CAST: variants seen among roughly 807,000 people sequenced by gnomAD.
The protein encoded by CAST is calpastatin.
CAST carries 76 observed loss-of-function variants against 119.6 expected under a neutral mutation model. The observed-to-expected ratio is 0.64, with a 90% CI of 0.53 to 0.77. The LOEUF (loss-of-function observed/expected upper bound fraction) is 0.77. CAST is among the 30% of genes least tolerant of loss of function. The probability of loss-of-function intolerance (pLI) is 0.00; values close to 1 mark genes in which losing one functional copy is unlikely to be tolerated. For synonymous variants in CAST, 319 were observed against 331.6 expected (o/e 0.96, Z 0.41); for missense variants, 953 against 946.5 (o/e 1.01, Z -0.09).
the CAST span, among the ~76,000 whole-genome samples, chr5:95,991,751 C>T: frequency 6.6e-6 from 1 of 151,922 alleles, no homozygotes; most frequent in Non-Finnish European, 1.5e-5. Flanking sequence ...AGTTAGTCAC[C>T]CGCCTCAGCC....
chr5:96,031,047 A>G, the CAST span, among the ~76,000 whole-genome samples: 1 of 152,140 alleles, frequency 6.6e-6, no homozygotes, highest in African/African-American at 2.4e-5. Context: ...TGAGTGTACC[A>G]TGATAATATT....
At chr5:96,559,914 A>C (rs1404532813) in intron 1 of CAST, among the ~76,000 whole-genome samples, 1 of 152,342 alleles carries the variant, frequency 6.6e-6, no homozygotes, top group East Asian at 1.9e-4. Context: ...CTAAGCCTAA[A>C]GAACAAAGCT....
At chr5:96,763,227 A>T (rs1421457169) in intron 25 of CAST, 1 of 780,778 alleles carries the variant, frequency 1.3e-6, no homozygotes, top group South Asian at 1.3e-5. Context: ...CTTCAGGATC[A>T]TCTGAAAATA....
chr5:96,649,471 T>C (rs1748065472), intron 1 of CAST, among the ~76,000 whole-genome samples: 1 of 152,188 alleles, frequency 6.6e-6, no homozygotes, highest in South Asian at 2.1e-4. Flanking sequence ...TTTGTCATCT[T>C]CTCGTAAATA....
At chr5:96,392,703 C>A in the CAST span, 1 of 376,402 alleles carries the variant, frequency 2.7e-6, no homozygotes, top group South Asian at 4.0e-5. Flanking sequence ...GGCTCTAATG[C>A]AGTGTTCTAA....
At chr5:96,367,868 C>T in the CAST span, among the ~76,000 whole-genome samples, 1 of 152,026 alleles carries the variant, frequency 6.6e-6, no homozygotes, top group Non-Finnish European at 1.5e-5. Context: ...TGAGATGAAC[C>T]CAGTACCTCA....
At chr5:96,717,013 A>T (rs1757305925) in intron 3 of CAST, among the ~76,000 whole-genome samples, 1 of 152,194 alleles carries the variant, frequency 6.6e-6, no homozygotes, top group South Asian at 2.1e-4. Context: ...CTTAAAAAAA[A>T]CTTAAAGTAT....
chr5:96,746,330 C>T lies in CAST; in HGVS notation c.1201-12C>T, dbSNP rs1220560630. On this transcript the variant is annotated splice_polypyrimidine_tract_variant and intron_variant, in intron 16 of 31. Transcript: ENST00000675179. Reference sequence around the variant, plus strand: ...ATCCAACTACTTTTTTTTTCCCCTCCATTTTCATCAGGCAAAAGCTAAAGA... The same window carrying T: ...ATCCAACTACTTTTTTTTTCCCCTCTATTTTCATCAGGCAAAAGCTAAAGA... 4 of 1,545,258 alleles carry T rather than the reference C, an allele frequency of 2.6e-6. No individual in the cohort carries two copies. The highest frequency in any genetic ancestry group is 2.2e-5 in the South Asian group (2 of 89,556).
the CAST span, among the ~76,000 whole-genome samples, chr5:96,090,066 A>G: frequency 6.6e-6 from 1 of 152,140 alleles, no homozygotes; most frequent in Non-Finnish European, 1.5e-5. Context: ...GATTAATAGT[A>G]TCTCAAGAGT....
chr5:95,963,865 ATCCCC>A, the CAST span, among the ~76,000 whole-genome samples: 4 of 151,924 alleles, frequency 2.6e-5, no homozygotes, highest in African/African-American at 9.7e-5. Flanking sequence ...ATGTGGGTAA[ATCCCC>A]ACCCACATGA....
intron 24 of CAST, among the ~76,000 whole-genome samples, chr5:96,759,789 A>G (rs376981658): frequency 2.4e-4 from 37 of 152,176 alleles, no homozygotes; most frequent in African/African-American, 8.4e-4. Flanking sequence ...TTTAAAGCCA[A>G]TAGTCAGTTG....
chr5:96,279,357 G>A, the CAST span, among the ~76,000 whole-genome samples: 2 of 152,112 alleles, frequency 1.3e-5, no homozygotes, highest in Non-Finnish European at 2.9e-5. Context: ...TGAGATGTTT[G>A]CATCTCTAAC....
chr5:96,083,075 T>C, the CAST span, among the ~76,000 whole-genome samples: 2 of 152,194 alleles, frequency 1.3e-5, no homozygotes, highest in Non-Finnish European at 2.9e-5. Context: ...TCGGTTTAGA[T>C]TGTAGCACTT....
the CAST span, chr5:95,961,844 C>T: frequency 1.6e-6 from 2 of 1,286,676 alleles, no homozygotes; most frequent in Non-Finnish European, 2.0e-6. Flanking sequence ...GACGTACTGT[C>T]ATATACTGCG....
the CAST span, among the ~76,000 whole-genome samples, chr5:96,167,450 C>T: frequency 6.6e-6 from 1 of 152,140 alleles, no homozygotes; most frequent in Non-Finnish European, 1.5e-5. Context: ...AAAGGAGTGT[C>T]CATGCAGGAG....
the CAST span, among the ~76,000 whole-genome samples, chr5:96,284,475 C>T: frequency 2.4e-4 from 36 of 152,094 alleles, no homozygotes; most frequent in African/African-American, 3.9e-4. Flanking sequence ...TTAAGGGTGA[C>T]GGTGGGCTCT....
the CAST span, among the ~76,000 whole-genome samples, chr5:96,109,951 A>G: frequency 6.6e-6 from 1 of 152,188 alleles, no homozygotes; most frequent in South Asian, 2.1e-4. Flanking sequence ...AAAGAAAAAA[A>G]ATAAAGCACC....
intron 1 of CAST, among the ~76,000 whole-genome samples, chr5:96,625,029 T>A (rs1417130304): frequency 6.6e-6 from 1 of 152,240 alleles, no homozygotes; most frequent in South Asian, 2.1e-4. Context: ...TTCCCTGTGA[T>A]GATGCCTTAT....
chr5:96,173,989 G>A, the CAST span, among the ~76,000 whole-genome samples: 6 of 152,170 alleles, frequency 3.9e-5, no homozygotes, highest in Admixed American at 1.3e-4. Context: ...TGATCCTCCC[G>A]CCTTAGACTT....
Sources: gnomAD v4.1 joint callset for allele counts (sites outside exome capture counted in the v4.1 genomes callset) on GRCh38, gnomAD v4.1.1 for gene constraint, MANE v1.5 for transcripts, NCBI Gene and HGNC (gene_info 2026-07-23, HGNC 2026-07-21) for gene names.